The following FBN2 variants were observed in gnomAD, a reference collection of about 807,000 sequenced individuals.
The protein encoded by FBN2 is fibrillin-2.
FBN2 carries 105 observed loss-of-function variants against 355.6 expected under a neutral mutation model. That is an observed-to-expected ratio of 0.30 (90% confidence interval 0.25 to 0.35). FBN2 has a LOEUF of 0.35. Among genes scored for constraint, FBN2 ranks in the 10% least tolerant of loss-of-function variants. FBN2 has a pLI of 1.00. For missense variants in FBN2, 3,280 were observed against 3,758.7 expected (o/e 0.87, Z 3.33); for synonymous variants, 1,350 against 1,301.2 (o/e 1.04, Z -0.81).
intron 2 of FBN2, among the ~76,000 whole-genome samples, chr5:128,531,679 T>C (rs1489160267): frequency 2.0e-5 from 3 of 150,718 alleles, no homozygotes; most frequent in East Asian, 3.9e-4. Context: ...CGTGTGTGTG[T>C]ATATATATGT....
chr5:128,365,254 T>C, intron 17 of FBN2: 1 of 157,322 alleles, frequency 6.4e-6, no homozygotes, highest in Non-Finnish European at 1.4e-5. Context: ...CTTCAGAACA[T>C]GACGTTTTAT....
At chr5:128,334,934 C>T in intron 30 of FBN2, 90 bp from the exon 31 acceptor site, 1 of 1,274,466 alleles carries the variant, frequency 7.8e-7, no homozygotes, top group Non-Finnish European at 1.1e-6. Flanking sequence ...TACTGAAATA[C>T]ACAGGCAAGA....
chr5:128,520,852 T>C (rs1175473566), intron 4 of FBN2, among the ~76,000 whole-genome samples: 1 of 152,078 alleles, frequency 6.6e-6, no homozygotes, highest in Non-Finnish European at 1.5e-5. Flanking sequence ...AGCTGAGTCC[T>C]ACATAGCACT....
At chr5:128,280,555 G>A (rs1040308156) in intron 55 of FBN2, among the ~76,000 whole-genome samples, 4 of 152,028 alleles carry the variant, frequency 2.6e-5, no homozygotes, top group Non-Finnish European at 5.9e-5. Flanking sequence ...CTGCAGAGAA[G>A]GGATAGTGTT....
chr5:128,409,903 T>C (rs1364217249), intron 7 of FBN2, among the ~76,000 whole-genome samples: 1 of 152,178 alleles, frequency 6.6e-6, no homozygotes, highest in Non-Finnish European at 1.5e-5. Flanking sequence ...AAGAAAAAGG[T>C]TGCCAATGCC....
At chr5:128,451,183 G>A (rs1036112619) in intron 6 of FBN2, among the ~76,000 whole-genome samples, 3 of 152,076 alleles carry the variant, frequency 2.0e-5, no homozygotes, top group Non-Finnish European at 4.4e-5. Flanking sequence ...GTGAATTCAA[G>A]CCTACAGATT....
At chr5:128,421,941 A>G (rs1277898114) in intron 7 of FBN2, among the ~76,000 whole-genome samples, 1 of 152,160 alleles carries the variant, frequency 6.6e-6, no homozygotes, top group Non-Finnish European at 1.5e-5. Context: ...CCTCTGTCCA[A>G]TGTAATTACA....
chr5:128,343,523 T>C (rs1751086628), intron 25 of FBN2, among the ~76,000 whole-genome samples: 1 of 152,134 alleles, frequency 6.6e-6, no homozygotes, highest in Non-Finnish European at 1.5e-5. Context: ...GGAAATCCCA[T>C]GGAGAATACG....
rs199938409 is a variant in FBN2, at chr5:128,345,460, C to G, written c.3114G>C (p.Glu1038Asp). The G allele has an allele frequency of 3.3e-5, 53 of 1,614,118 alleles. No individual in the cohort carries two copies. The East Asian group carries it at 7.8e-4, about 24-fold the overall frequency. Reference protein sequence around the residue: ...AVGAAWGTECEECPKPGTKEY... With the variant: ...AVGAAWGTECDECPKPGTKEY... The stretch of plus-strand genomic sequence containing the variant: ...CCTTGGTGCCAGGTTTGGGGCACTC[C>G]TCACACTCGGTGCCCCAAGCCGCCC... The change falls in exon 24 of 65, where the codon GAG becomes GAC. Residue 1038 changes from glutamate to aspartate, a missense_variant. Coordinates refer to ENST00000262464, the MANE Select transcript of FBN2 (RefSeq NM_001999.4).
intron 34 of FBN2, among the ~76,000 whole-genome samples, chr5:128,322,906 T>C (rs1354004698): frequency 6.6e-6 from 1 of 152,220 alleles, no homozygotes; most frequent in Non-Finnish European, 1.5e-5. Flanking sequence ...TCCATGAGCA[T>C]GGAATGTTTT....
chr5:128,340,608 A>C (rs1750987679), intron 25 of FBN2, among the ~76,000 whole-genome samples: 1 of 152,174 alleles, frequency 6.6e-6, no homozygotes, highest in African/African-American at 2.4e-5. Context: ...TTCATAGTAT[A>C]AACAGTGTGG....
At chr5:128,518,559 C>T (rs906997234) in intron 5 of FBN2, among the ~76,000 whole-genome samples, 12 of 152,148 alleles carry the variant, frequency 7.9e-5, no homozygotes, top group African/African-American at 2.9e-4. Flanking sequence ...ATTACCACCA[C>T]CACCCCCCAC....
At position 128,537,370 on chromosome 5, in the gene FBN2, T is replaced by C; in HGVS notation, c.234A>G (p.Gly78=). 2 of 1,610,886 alleles carry C rather than the reference T, an allele frequency of 1.2e-6. No individual in the cohort carries two copies. The highest frequency in any genetic ancestry group is 1.7e-6 in the Non-Finnish European group (2 of 1,179,770). The part of the protein sequence containing the change: ...AAVASRVRRR[G]QQDVLRGPNV... Reference sequence around the variant, plus strand: ...CTTACCCTCGGAGCACGTCCTGCTGTCCTCGCCGGCGGACGCGGCTGGCCA... The same window carrying C: ...CTTACCCTCGGAGCACGTCCTGCTGCCCTCGCCGGCGGACGCGGCTGGCCA... Residue 78 remains glycine, a synonymous_variant, in exon 1 of 65, where the codon GGA becomes GGG. Coordinates refer to ENST00000262464, the MANE Select transcript of FBN2 (RefSeq NM_001999.4).
At chr5:128,460,987 G>A (rs1754540567) in intron 6 of FBN2, among the ~76,000 whole-genome samples, 1 of 152,120 alleles carries the variant, frequency 6.6e-6, no homozygotes, top group African/African-American at 2.4e-5. Flanking sequence ...TGCAACAAAA[G>A]CCAAAATTGA....
intron 48 of FBN2, among the ~76,000 whole-genome samples, chr5:128,292,254 G>A (rs1749346048): frequency 1.3e-5 from 2 of 152,036 alleles, no homozygotes; most frequent in Non-Finnish European, 2.9e-5. Flanking sequence ...GGAAATGGAG[G>A]GCTGAGACAT....
intron 6 of FBN2, among the ~76,000 whole-genome samples, chr5:128,459,460 G>A (rs1469658407): frequency 6.6e-6 from 1 of 152,038 alleles, no homozygotes; most frequent in African/African-American, 2.4e-5. Context: ...TATGAAGCCA[G>A]AATCATCCTG....
In FBN2 at chr5:128,537,359, A is replaced by C. The variant is rs1235527803; in HGVS notation, c.245T>G (p.Val82Gly). The C allele has an allele frequency of 1.9e-6, 3 of 1,610,582 alleles. No individual in the cohort carries two copies. Among genetic ancestry groups the C allele is most frequent in the African/African-American group, 2.7e-5 (2 of 74,924 alleles). Residue 82 changes from valine (V) to glycine (G), a missense_variant, in exon 1 of 65, where the codon GTG (valine) becomes GGG (glycine). Val to Gly is a moderately radical substitution (Grantham distance 109). This residue lies in a region of FBN2 where 203 missense variants were observed against 142.2 expected (regional missense o/e 1.43). Coordinates refer to ENST00000262464, the MANE Select transcript of FBN2 (RefSeq NM_001999.4). ...SRVRRRGQQDVLRGPNVCGSR... is the reference protein window; with the variant it reads ...SRVRRRGQQDGLRGPNVCGSR... ...CCGCTTGCCCACTTACCCTCGGAGC[A>C]CGTCCTGCTGTCCTCGCCGGCGGAC... is the stretch of plus-strand genomic sequence containing the variant.
intron 8 of FBN2, among the ~76,000 whole-genome samples, chr5:128,395,683 A>T (rs904808515): frequency 1.3e-5 from 2 of 152,236 alleles, no homozygotes; most frequent in Non-Finnish European, 2.9e-5. Flanking sequence ...GCAGCTGACT[A>T]AAATGAGGGC....
At chr5:128,500,430 C>CTTTTTTTTTTTTTTTT (rs149068555) in intron 5 of FBN2, among the ~76,000 whole-genome samples, 1 of 51,192 alleles carries the variant, frequency 2.0e-5, no homozygotes, top group Non-Finnish European at 3.4e-5. Context: ...TCTGACAATT[C>CTTTTTTTTTTTTTTTT]TTTTTTTTTT....
Sources: gnomAD v4.1 joint callset for allele counts (sites outside exome capture counted in the v4.1 genomes callset) on GRCh38, gnomAD v4.1.1 for gene constraint, gnomAD v4.1.1 regional missense constraint, MANE v1.5 for transcripts, NCBI Gene and HGNC (gene_info 2026-07-23, HGNC 2026-07-21) for gene names.